Variants in WDR36 observed in about 807,000 individuals in gnomAD.
The protein encoded by WDR36 is WD repeat-containing protein 36.
A neutral mutation model predicts 112.7 loss-of-function variants in WDR36; 63 were observed. The ratio of observed to expected loss-of-function variants is 0.56; its 90% CI spans 0.46 to 0.69. The LOEUF is 0.69. Ranked by LOEUF, WDR36 falls within the 30% of genes least tolerant of loss-of-function variation. The pLI, the probability that WDR36 is intolerant of heterozygous loss-of-function variation, is 0.00. For missense variants in WDR36, 1,226 were observed against 1,070.3 expected (o/e 1.15, Z -2.03); for synonymous variants, 410 against 362.2 (o/e 1.13, Z -1.50).
Position 111,113,086 on chromosome 5 carries a change from G to C in WDR36, c.1729G>C (p.Asp577His). The C allele has an allele frequency of 6.9e-7, 1 of 1,449,854 alleles. No homozygotes were observed. The highest frequency in any genetic ancestry group is 9.2e-7 in the Non-Finnish European group (1 of 1,091,422). 89.8% of individuals were successfully genotyped at this position (1,449,854 alleles called of 1,614,324 possible). Residue 577 changes from aspartate to histidine, a missense_variant, in exon 16 of 23, where the codon GAT becomes CAT. Coordinates refer to ENST00000513710, the MANE Select transcript of WDR36 (RefSeq NM_139281.3). ...TTTTAATTTAAAGGCTTTTAGTCCTGATGGTCGTTGGTTAATAAGTGCTGC... is the reference window on the plus strand; with the variant it reads ...TTTTAATTTAAAGGCTTTTAGTCCTCATGGTCGTTGGTTAATAAGTGCTGC... ...GQINDMAFSP[D>H]GRWLISAAMD...
rs1561702347 is a variant in WDR36 at position 111,100,597 on chromosome 5, C to T, written c.418C>T (p.Leu140=). ...AACTTTCACTTTTGTAGAAGAATACCTGCAGTTGACTTTTGATAAATCAGT... is the reference window on the plus strand; with the variant it reads ...AACTTTCACTTTTGTAGAAGAATACTTGCAGTTGACTTTTGATAAATCAGT... The part of the protein sequence containing the change: ...IWHIYSEEEY[L]QLTFDKSVFK... Residue 140 remains leucine (L), a synonymous_variant, in exon 5 of 23, where the codon CTG becomes TTG. Coordinates refer to ENST00000513710, the MANE Select transcript of WDR36 (RefSeq NM_139281.3). The T allele has an allele frequency of 1.9e-6, 3 of 1,564,886 alleles. No individual in the cohort carries two copies. Among genetic ancestry groups the T allele is most frequent in the East Asian group, 2.3e-5 (1 of 43,260 alleles).
At chr5:111,117,447 T>C (rs1355160343) in intron 16 of WDR36, among the ~76,000 whole-genome samples, 1 of 152,210 alleles carries the variant, frequency 6.6e-6, no homozygotes, top group Non-Finnish European at 1.5e-5. Context: ...GAATCACTGA[T>C]GTAGGCATAC....
intron 3 of WDR36, among the ~76,000 whole-genome samples, chr5:111,098,473 C>T (rs1300550913): frequency 6.6e-6 from 1 of 152,084 alleles, no homozygotes; most frequent in African/African-American, 2.4e-5. Context: ...GAAGGCAGAG[C>T]CTCAGAGGTC....
In WDR36 at chr5:111,097,087, G is replaced by T. The variant is rs146048348; in HGVS notation, c.199G>T (p.Val67Phe). The T allele has an allele frequency of 6.2e-7, 1 of 1,612,648 alleles. No individual in the cohort carries two copies. Among genetic ancestry groups the T allele is most frequent in the Non-Finnish European group, 8.5e-7 (1 of 1,179,062 alleles). ...KLSLVAVSNS[V>F]PQDICCMAAD... The stretch of plus-strand genomic sequence containing the variant: ...TTTGTATTTTCTGCTAGGTAATTCT[G>T]TTCCACAGGATATCTGCTGTATGGC... Residue 67 changes from valine to phenylalanine, a missense_variant, in exon 3 of 23, where the codon GTT (valine) becomes TTT (phenylalanine). Transcript: ENST00000513710.
rs1753723181 is a variant in WDR36 at position 111,128,610 on chromosome 5, C to T, written c.*1727C>T. ...CTGTGAACTGAAATTGTATTGCTTA[C>T]AGAAATCATGAACCGAATTTTCTTC... On this transcript the variant is annotated 3_prime_UTR_variant, in exon 23 of 23. Coordinates refer to ENST00000513710, the MANE Select transcript of WDR36 (RefSeq NM_139281.3). The T allele has an allele frequency of 5.5e-6, 1 of 180,518 alleles. No homozygotes were observed. The highest frequency in any genetic ancestry group is 2.4e-5 in the African/African-American group (1 of 42,428). 11.2% of individuals were successfully genotyped at this position (180,518 alleles called of 1,614,324 possible). A position where few individuals can be genotyped will look rare whatever the true frequency, so the allele number is the denominator to read the frequency against.
intron 16 of WDR36, among the ~76,000 whole-genome samples, chr5:111,114,739 A>T (rs1753421485): frequency 6.6e-6 from 1 of 152,192 alleles, no homozygotes; most frequent in East Asian, 1.9e-4. Flanking sequence ...GTGGTCTGTC[A>T]CTTCTTGGGC....
At chr5:111,114,983 C>G (rs1753426711) in intron 16 of WDR36, among the ~76,000 whole-genome samples, 1 of 152,110 alleles carries the variant, frequency 6.6e-6, no homozygotes, top group African/African-American at 2.4e-5. Flanking sequence ...TTCAAAGCCA[C>G]TAACCTTTGA....
intron 19 of WDR36, among the ~76,000 whole-genome samples, chr5:111,121,800 A>C (rs981461786): frequency 6.6e-6 from 1 of 152,174 alleles, no homozygotes; most frequent in East Asian, 1.9e-4. Context: ...AGCAAAAACT[A>C]CTGAAAGGAA....
intron 12 of WDR36, 77 bp from the exon 13 acceptor site, chr5:111,110,112 A>T (rs909315847): frequency 5.1e-6 from 5 of 989,028 alleles, no homozygotes; most frequent in Admixed American, 3.5e-5. Context: ...ACAAGTAGAT[A>T]AAAAAATGCT....
chr5:111,112,856 CAGTGGTATTTAGGA>C (rs1753369560), intron 15 of WDR36, among the ~76,000 whole-genome samples: 1 of 151,072 alleles, frequency 6.6e-6, no homozygotes. Context: ...GATTCCAAAT[CAGTGGTATTTAGGA>C]AGTGGTATTT....
chr5:111,093,795 C>G (rs1484637525), intron 1 of WDR36, among the ~76,000 whole-genome samples: 5 of 152,104 alleles, frequency 3.3e-5, no homozygotes, highest in Non-Finnish European at 7.4e-5. Flanking sequence ...TCCAAAGAAA[C>G]CCTGTGGTGA....
At chr5:111,110,990 C>G (rs775827568) in intron 14 of WDR36, 37 bp downstream of exon 14, 9 of 1,607,482 alleles carry the variant, frequency 5.6e-6, no homozygotes, top group South Asian at 1.1e-5. Flanking sequence ...CTCTTTGATT[C>G]TTTTGGTAAA....
chr5:111,098,113 G>A (rs551280173), intron 3 of WDR36, among the ~76,000 whole-genome samples: 14 of 152,208 alleles, frequency 9.2e-5, no homozygotes, highest in Non-Finnish European at 1.5e-4. Flanking sequence ...AAATAGGGGT[G>A]GGGAGGCGTC....
intron 2 of WDR36, chr5:111,095,157 C>T: frequency 1.8e-6 from 1 of 541,706 alleles, no homozygotes; most frequent in South Asian, 2.2e-5. Context: ...TGGAACTGTT[C>T]TTTAGACTTT....
At chr5:111,097,391 T>C (rs1230902146) in intron 3 of WDR36, among the ~76,000 whole-genome samples, 5 of 152,216 alleles carry the variant, frequency 3.3e-5, no homozygotes, top group Non-Finnish European at 7.3e-5. Context: ...TTGCCAGAGA[T>C]GAATATCAAA....
At chr5:111,117,635 C>G (rs1427153411) in intron 16 of WDR36, among the ~76,000 whole-genome samples, 1 of 152,174 alleles carries the variant, frequency 6.6e-6, no homozygotes. Context: ...GTTTTCTGGA[C>G]TGATCCGCCT....
At position 111,121,218 on chromosome 5, in the gene WDR36, T is replaced by C. The variant is rs575540787; in HGVS notation, c.2148+77T>C. 6 of 1,528,668 alleles carry C rather than the reference T, an allele frequency of 3.9e-6. No individual in the cohort carries two copies. In the Admixed American group the frequency reaches 8.4e-5, roughly 21 times the overall value. The allele number at this position is 1,528,668 out of a possible 1,614,324, so 94.7% of individuals were successfully genotyped here. On this transcript the variant is annotated intron_variant, in intron 19 of 22. Transcript: ENST00000513710. ...TATTTTTTTAAGCAGAGAGAACTTC[T>C]CCTACATTGAGGGCATTAGAAGAGC...
In WDR36 at chr5:111,098,659, A is replaced by G. The variant is rs965090295; in HGVS notation, c.292-63A>G. On this transcript the variant is annotated intron_variant, in intron 3 of 22. Transcript: ENST00000513710. ...AGGATTAGCATGTTTTTGGGATAATATGAATAATATGACATGATGACTGAG... is the reference window on the plus strand; with the variant it reads ...AGGATTAGCATGTTTTTGGGATAATGTGAATAATATGACATGATGACTGAG... 1.3e-5 allele frequency: 14 copies of G among 1,079,874 alleles called. No individual in the cohort carries two copies. The African/African-American group carries it at 2.0e-4, about 16-fold the overall frequency. 66.9% of individuals were successfully genotyped at this position (1,079,874 alleles called of 1,614,324 possible).
chr5:111,110,741 A>C lies in WDR36; in HGVS notation c.1442-47A>C, dbSNP rs758070709. The C allele has an allele frequency of 4.4e-6, 7 of 1,582,472 alleles. No individual in the cohort carries two copies. The African/African-American group carries it at 5.4e-5, about 12-fold the overall frequency. On this transcript the variant is annotated intron_variant, in intron 13 of 22. Coordinates refer to ENST00000513710, the MANE Select transcript of WDR36 (RefSeq NM_139281.3). ...CACTGTGTGTATTGTTCAGAGAGAAACACTGCCAATTCTGATTTTTTTTTT... is the reference window on the plus strand; with the variant it reads ...CACTGTGTGTATTGTTCAGAGAGAACCACTGCCAATTCTGATTTTTTTTTT...
Sources: gnomAD v4.1 joint callset for allele counts (sites outside exome capture counted in the v4.1 genomes callset) on GRCh38, gnomAD v4.1.1 for gene constraint, MANE v1.5 for transcripts, NCBI Gene and HGNC (gene_info 2026-07-23, HGNC 2026-07-21) for gene names.